Variants in MAGI2 observed in about 807,000 individuals in gnomAD.
MAGI2 encodes membrane associated guanylate kinase, WW and PDZ domain containing 2, also known as membrane-associated guanylate kinase, WW and PDZ domain-containing protein 2.
MAGI2 carries 35 observed loss-of-function variants against 133.3 expected under a neutral mutation model. That is an observed-to-expected ratio of 0.26 (90% CI 0.20 to 0.35). MAGI2 has a LOEUF of 0.35. MAGI2 is among the 10% of genes least tolerant of loss of function. The pLI is 1.00. For synonymous variants in MAGI2, 729 were observed against 710.6 expected (o/e 1.03, Z -0.41); for missense variants, 1,636 against 1,863.4 (o/e 0.88, Z 2.25).
intron 2 of MAGI2, among the ~76,000 whole-genome samples, chr7:78,649,237 A>AAAAAAAAAAAAAAAAG (rs1563294737): frequency 1.2e-4 from 8 of 65,488 alleles, no homozygotes; most frequent in East Asian, 3.2e-4. Flanking sequence ...AAAAAAAAAG[A>AAAAAAAAAAAAAAAAG]AAAAAAAAGA....
intron 2 of MAGI2, among the ~76,000 whole-genome samples, chr7:78,707,069 C>T (rs924556435): frequency 4.6e-5 from 7 of 152,094 alleles, no homozygotes; most frequent in African/African-American, 1.4e-4. Context: ...ACTACTAAAA[C>T]CCCCACCTGT....
intron 1 of MAGI2, among the ~76,000 whole-genome samples, chr7:79,418,313 C>T (rs935311201): frequency 2.0e-5 from 3 of 152,146 alleles, no homozygotes; most frequent in African/African-American, 4.8e-5. Context: ...TTCAGAGGAA[C>T]AGTCATGGTT....
chr7:79,100,958 C>T (rs934564326), intron 1 of MAGI2, among the ~76,000 whole-genome samples: 1 of 151,830 alleles, frequency 6.6e-6, no homozygotes, highest in Non-Finnish European at 1.5e-5. Flanking sequence ...GATAAAAATG[C>T]CATTTTATCA....
intron 1 of MAGI2, among the ~76,000 whole-genome samples, chr7:79,021,068 A>T (rs1195837501): frequency 6.6e-6 from 1 of 152,228 alleles, no homozygotes. Flanking sequence ...GTCAGCTTAC[A>T]GGTGGTATTG....
chr7:79,181,019 C>T (rs1310380676), intron 1 of MAGI2, among the ~76,000 whole-genome samples: 4 of 151,924 alleles, frequency 2.6e-5, no homozygotes, highest in Admixed American at 2.6e-4. Flanking sequence ...GGCAGCTCCA[C>T]CTCTATGGCT....
intron 1 of MAGI2, among the ~76,000 whole-genome samples, chr7:79,307,973 T>A (rs1381906147): frequency 6.6e-6 from 1 of 152,228 alleles, no homozygotes; most frequent in Non-Finnish European, 1.5e-5. Flanking sequence ...TGAGTTTGGT[T>A]CCACATTCCT....
At position 79,058,595 on chromosome 7, in the gene MAGI2, A is replaced by G. The variant is rs1298334701; in HGVS notation, c.302-51389T>C. ...TACACATTTTACCAAATAAAAATATATTATAGTTTTGTTATTACAAGGGGT... is the reference window on the plus strand; with the variant it reads ...TACACATTTTACCAAATAAAAATATGTTATAGTTTTGTTATTACAAGGGGT... On this transcript the variant is annotated intron_variant, in intron 1 of 21. Coordinates refer to ENST00000354212, the MANE Select transcript of MAGI2 (RefSeq NM_012301.4). Among the ~76,000 whole-genome samples the G allele has an allele frequency of 2.0e-5, 3 of 152,160 alleles. No homozygotes were observed. The East Asian group carries it at 5.8e-4, about 29-fold the overall frequency.
intron 1 of MAGI2, among the ~76,000 whole-genome samples, chr7:79,374,934 C>A (rs760953593): frequency 6.6e-6 from 1 of 151,806 alleles, no homozygotes; most frequent in Non-Finnish European, 1.5e-5. Flanking sequence ...CACCAGTTAT[C>A]CACCTACTAT....
chr7:78,301,940 A>G (rs879449535), intron 9 of MAGI2, among the ~76,000 whole-genome samples: 2 of 152,162 alleles, frequency 1.3e-5, no homozygotes, highest in Non-Finnish European at 2.9e-5. Context: ...GGGTGATAAC[A>G]GCATGCCTAT....
chr7:79,207,543 T>A (rs1365687803), intron 1 of MAGI2, among the ~76,000 whole-genome samples: 1 of 151,830 alleles, frequency 6.6e-6, no homozygotes, highest in East Asian at 1.9e-4. Flanking sequence ...TATAAAATAT[T>A]GCTGAAAGAA....
intron 7 of MAGI2, among the ~76,000 whole-genome samples, chr7:78,366,381 C>G (rs1793379274): frequency 6.6e-6 from 1 of 152,056 alleles, no homozygotes; most frequent in Non-Finnish European, 1.5e-5. Context: ...TAGACATTTA[C>G]TAATCTTTTA....
At chr7:79,341,370 C>T (rs1165787234) in intron 1 of MAGI2, among the ~76,000 whole-genome samples, 4 of 151,652 alleles carry the variant, frequency 2.6e-5, no homozygotes, top group Non-Finnish European at 5.9e-5. Flanking sequence ...TCCATATTGA[C>T]ATTGGTAGAA....
chr7:78,692,626 T>C (rs1412890282), intron 2 of MAGI2, among the ~76,000 whole-genome samples: 1 of 152,200 alleles, frequency 6.6e-6, no homozygotes, highest in Non-Finnish European at 1.5e-5. Context: ...ATGTTCCTCA[T>C]AATACAAATC....
chr7:79,081,288 C>T (rs1208103557), intron 1 of MAGI2, among the ~76,000 whole-genome samples: 5 of 152,160 alleles, frequency 3.3e-5, no homozygotes, highest in East Asian at 1.9e-4. Context: ...ACCCATGGCA[C>T]GCAAGAATTC....
intron 1 of MAGI2, among the ~76,000 whole-genome samples, chr7:79,322,796 A>C (rs1275034072): frequency 6.6e-6 from 1 of 151,852 alleles, no homozygotes; most frequent in African/African-American, 2.4e-5. Flanking sequence ...AAAAAAAAGA[A>C]AAAGAAAAAG....
intron 2 of MAGI2, among the ~76,000 whole-genome samples, chr7:78,765,370 CAG>C (rs1358114272): frequency 7.9e-5 from 4 of 50,388 alleles, no homozygotes; most frequent in East Asian, 6.8e-4. Flanking sequence ...TTTTTTGAGA[CAG>C]AGTCTCGCTC....
intron 21 of MAGI2, among the ~76,000 whole-genome samples, chr7:78,026,680 G>A (rs1808950883): frequency 6.6e-6 from 1 of 152,186 alleles, no homozygotes; most frequent in Non-Finnish European, 1.5e-5. Flanking sequence ...GGCCGGAGGT[G>A]GGGTGGGGAA....
intron 21 of MAGI2, among the ~76,000 whole-genome samples, chr7:78,060,723 C>T (rs2151134405): frequency 6.6e-6 from 1 of 152,348 alleles, no homozygotes; most frequent in East Asian, 1.9e-4. Flanking sequence ...AAGAAAACAG[C>T]ATGTGCCCAA....
At chr7:78,520,581 T>G (rs1326997644) in intron 4 of MAGI2, among the ~76,000 whole-genome samples, 1 of 152,016 alleles carries the variant, frequency 6.6e-6, no homozygotes, top group Non-Finnish European at 1.5e-5. Context: ...CATTAAAAAA[T>G]AAATAATAAA....
Sources: gnomAD v4.1 joint callset for allele counts (sites outside exome capture counted in the v4.1 genomes callset) on GRCh38, gnomAD v4.1.1 for gene constraint, MANE v1.5 for transcripts, NCBI Gene and HGNC (gene_info 2026-07-23, HGNC 2026-07-21) for gene names.